MTUS1: variants seen among roughly 807,000 people sequenced by gnomAD.
The protein encoded by MTUS1 is microtubule-associated tumor suppressor 1.
MTUS1 carries 109 observed loss-of-function variants against 120.8 expected under a neutral mutation model. The observed-to-expected ratio is 0.90, with a 90% confidence interval of 0.77 to 1.06. The LOEUF (loss-of-function observed/expected upper bound fraction) is 1.06, where lower values mean the gene tolerates loss of function less well. Among genes scored for constraint, MTUS1 ranks in the 50% least tolerant of loss-of-function variants. The pLI is 0.00. For missense variants in MTUS1, 2,210 were observed against 1,486.3 expected, an observed-to-expected ratio of 1.49 and a Z score of -8.01; for synonymous variants, 737 against 550.5, an observed-to-expected ratio of 1.34 and a Z score of -4.74.
chr8:17,723,941 C>G (rs2046022758), intron 3 of MTUS1, 108 bp from the exon 4 acceptor site: 1 of 826,296 alleles, frequency 1.2e-6, no homozygotes, highest in South Asian at 1.8e-5. Flanking sequence ...AGTCAAAACA[C>G]AAAATGAATG....
chr8:17,671,508 A>T (rs991226753), intron 8 of MTUS1, among the ~76,000 whole-genome samples: 23 of 152,222 alleles, frequency 1.5e-4, no homozygotes, highest in African/African-American at 4.8e-4. Flanking sequence ...AGAAGCAAAG[A>T]ACCAGTGCTT....
At chr8:17,650,067 G>C in intron 12 of MTUS1, 105 bp from the exon 13 acceptor site, 1 of 749,710 alleles carries the variant, frequency 1.3e-6, no homozygotes, top group Non-Finnish European at 2.4e-6. Flanking sequence ...GCAAGCGACA[G>C]ATGTTCATCA....
rs555697439 is a variant in MTUS1, at chr8:17,737,358, G to A, written c.2287+6246C>T. 3.9e-5 allele frequency among the ~76,000 whole-genome samples: 6 copies of A among 152,304 alleles called. No homozygotes were observed. The East Asian group carries it at 5.8e-4, about 15-fold the overall frequency. On this transcript the variant is annotated intron_variant, in intron 3 of 14. Transcript: ENST00000693296. ...AAGAGGGCTTAGCACTGTGCTTGGC[G>A]CACACAGGCACTCAAAACATGTTAG...
chr8:17,767,700 T>TAAAA lies in MTUS1; in HGVS notation c.-154-11743_-154-11740dup, dbSNP rs112048837. On this transcript the variant is annotated intron_variant, in intron 1 of 14. Transcript: ENST00000693296. Reference sequence around the variant, plus strand: ...GGTGATAGAGCAAGACCCTGTCTCTTAAAAAAAAAAAAAAAAAACGGTGTG... The same window carrying TAAAA: ...GGTGATAGAGCAAGACCCTGTCTCTTAAAAAAAAAAAAAAAAAAAAAACGGTGTG... Among the ~76,000 whole-genome samples, 91 of 87,868 alleles carry TAAAA rather than the reference T, an allele frequency of 1.0e-3. 2 individuals are homozygous for TAAAA. The highest frequency in any genetic ancestry group is 4.4e-3 in the African/African-American group (86 of 19,662). 57.6% of individuals were successfully genotyped at this position (87,868 alleles called of 152,430 possible).
rs549170087 is a variant in MTUS1 at position 17,644,889 on chromosome 8, T to C, written c.*1037A>G. ...CCTTTATCCTTGTCCCAGAGAAAAG[T>C]AGGTAGGAGGTAGAAGGTTTGCTTT... On this transcript the variant is annotated 3_prime_UTR_variant, in exon 15 of 15. Transcript: ENST00000693296. 6.6e-6 allele frequency: 1 copy of C among 152,058 alleles called. No homozygotes were observed. Among genetic ancestry groups the C allele is most frequent in the East Asian group, 1.9e-4 (1 of 5,164 alleles). 9.4% of individuals were successfully genotyped at this position (152,058 alleles called of 1,614,324 possible).
intron 3 of MTUS1, among the ~76,000 whole-genome samples, chr8:17,732,591 T>C (rs2046662050): frequency 6.6e-6 from 1 of 152,158 alleles, no homozygotes; most frequent in Non-Finnish European, 1.5e-5. Context: ...GTAGACCAGA[T>C]TTCTCCCACG....
At chr8:17,673,492 G>A (rs1188813974) in intron 8 of MTUS1, among the ~76,000 whole-genome samples, 2 of 152,090 alleles carry the variant, frequency 1.3e-5, no homozygotes, top group Non-Finnish European at 2.9e-5. Flanking sequence ...TGCTCTGTTG[G>A]CCAGACTGGA....
At position 17,754,437 on chromosome 8, in the gene MTUS1, A is replaced by G. The variant is rs2048435354; in HGVS notation, c.1371T>C (p.Gly457=). Residue 457 remains glycine, a synonymous_variant, in exon 2 of 15, where the codon GGT becomes GGC. Coordinates refer to ENST00000693296, the MANE Select transcript of MTUS1 (RefSeq NM_001363059.2). ...ATEKCKKVEK[G]NRGLKNIPDS... is the part of the protein sequence containing the mutation. ...CTGGTATGTTTTTAAGCCCTCGATT[A>G]CCCTTCTCCACTTTCTTACATTTCT... 5 of 1,614,098 alleles carry G rather than the reference A, an allele frequency of 3.1e-6. No homozygotes were observed. The East Asian group carries it at 1.1e-4, about 36-fold the overall frequency.
At chr8:17,775,306 G>A (rs1255202016) in intron 1 of MTUS1, among the ~76,000 whole-genome samples, 3 of 151,974 alleles carry the variant, frequency 2.0e-5, no homozygotes, top group Admixed American at 6.6e-5. Context: ...AATTAGAAGA[G>A]TCAGAGCTAA....
At chr8:17,701,181 T>G (rs957918839) in intron 6 of MTUS1, among the ~76,000 whole-genome samples, 2 of 152,182 alleles carry the variant, frequency 1.3e-5, no homozygotes, top group Admixed American at 6.5e-5. Context: ...TATTAATCTT[T>G]ATATTTATCT....
chr8:17,693,188 T>C (rs1817294294), intron 6 of MTUS1: 1 of 152,192 alleles, frequency 6.6e-6, no homozygotes, highest in Non-Finnish European at 1.5e-5. Flanking sequence ...ATAGAACTAA[T>C]ATGTTGAGGT....
At chr8:17,743,173 C>T (rs1325129610) in intron 3 of MTUS1, among the ~76,000 whole-genome samples, 1 of 152,076 alleles carries the variant, frequency 6.6e-6, no homozygotes, top group Non-Finnish European at 1.5e-5. Flanking sequence ...TAGTCACCCT[C>T]ATATCCCTCC....
chr8:17,769,103 C>CT (rs2049805777), intron 1 of MTUS1, among the ~76,000 whole-genome samples: 1 of 152,034 alleles, frequency 6.6e-6, no homozygotes, highest in Non-Finnish European at 1.5e-5. Context: ...GCAAAGACAG[C>CT]ACCCCGAAGG....
At chr8:17,764,402 C>CAAAAA (rs11400332) in intron 1 of MTUS1, among the ~76,000 whole-genome samples, 6 of 138,276 alleles carry the variant, frequency 4.3e-5, no homozygotes, top group Non-Finnish European at 3.1e-5. Flanking sequence ...AAGAAAACTG[C>CAAAAA]AAAAAAAAAA....
intron 1 of MTUS1, among the ~76,000 whole-genome samples, chr8:17,778,825 T>C (rs928606031): frequency 4.6e-5 from 7 of 151,882 alleles, no homozygotes; most frequent in African/African-American, 1.5e-4. Context: ...TATATAAAAA[T>C]AAAAATAAAG....
At chr8:17,705,980 T>G (rs1383731535) in intron 6 of MTUS1, 3 of 151,928 alleles carry the variant, frequency 2.0e-5, no homozygotes, top group Non-Finnish European at 4.4e-5. Flanking sequence ...AAGCCAAGAT[T>G]TTTTTTAGAG....
intron 4 of MTUS1, chr8:17,723,431 TC>T (rs1220009889): frequency 1.9e-6 from 1 of 538,156 alleles, no homozygotes; most frequent in East Asian, 3.3e-5. Flanking sequence ...CAAAACACCA[TC>T]ACTTCAGACG....
rs148431153 is a variant in MTUS1, at chr8:17,777,110, G to T, written c.-154-21149C>A. 2.7e-3 allele frequency among the ~76,000 whole-genome samples: 412 copies of T among 152,168 alleles called. 2 individuals are homozygous for T. Among genetic ancestry groups the T allele is most frequent in the African/African-American group, 9.4e-3 (391 of 41,518 alleles). On this transcript the variant is annotated intron_variant, in intron 1 of 14. Transcript: ENST00000693296. Reference sequence around the variant, plus strand: ...TGCAGACACTTAAGTCTAACAGTATGCAATTTTCCCACCCCCAGCATTTGG... The same window carrying T: ...TGCAGACACTTAAGTCTAACAGTATTCAATTTTCCCACCCCCAGCATTTGG...
Position 17,754,018 on chromosome 8 carries a change from G to A in MTUS1, c.1790C>T (p.Ala597Val). ...AVHVTTHSKN[A>V]SHRVPRTTSA... is the part of the protein sequence containing the mutation. The stretch of plus-strand genomic sequence containing the variant: ...TGTTGTTCTTGGAACCCTGTGTGAA[G>A]CATTTTTAGAATGAGTTGTAACATG... Residue 597 changes from alanine (A) to valine (V), a missense_variant, in exon 2 of 15, where the codon GCT becomes GTT. Transcript: ENST00000693296. 2 of 1,614,184 alleles carry A rather than the reference G, an allele frequency of 1.2e-6. No homozygotes were observed. Among genetic ancestry groups the A allele is most frequent in the Non-Finnish European group, 1.7e-6 (2 of 1,180,028 alleles).
Sources: gnomAD v4.1 joint callset for allele counts (sites outside exome capture counted in the v4.1 genomes callset) on GRCh38, gnomAD v4.1.1 for gene constraint, MANE v1.5 for transcripts, NCBI Gene and HGNC (gene_info 2026-07-23, HGNC 2026-07-21) for gene names.